The following ING5 variants were observed in gnomAD, a reference collection of about 807,000 sequenced individuals.
ING5 encodes the protein inhibitor of growth protein 5.
ING5 carries 17 observed loss-of-function variants against 37.4 expected under a neutral mutation model. The observed-to-expected ratio is 0.45, with a 90% CI of 0.31 to 0.68. The LOEUF is 0.68. Ranked by LOEUF, ING5 falls within the 30% of genes least tolerant of loss-of-function variation. The pLI is 0.05. For synonymous variants in ING5, 123 were observed against 116.6 expected (o/e 1.06, Z -0.36); for missense variants, 233 against 311.9 (o/e 0.75, Z 1.91).
chr2:241,698,301 C>T (rs925499684), upstream of ING5, among the ~76,000 whole-genome samples: 4 of 151,674 alleles, frequency 2.6e-5, no homozygotes, highest in East Asian at 1.9e-4. Context: ...AAAAATTAGC[C>T]GGGCATGGTG....
In ING5 at chr2:241,727,267, T is replaced by G. The variant is rs1691658330; in HGVS notation, c.*2236T>G. The G allele has an allele frequency of 6.6e-6, 1 of 152,154 alleles. No homozygotes were observed. Among genetic ancestry groups the G allele is most frequent in the Non-Finnish European group, 1.5e-5 (1 of 68,058 alleles). 9.4% of individuals were successfully genotyped at this position (152,154 alleles called of 1,614,324 possible). A position where few individuals can be genotyped will look rare whatever the true frequency, so the allele number is the denominator to read the frequency against. ...ATGAATTTTCATTTAATGACTTAAC[T>G]TTTTGTTAGCACAGGTTTTGTGTGT... On this transcript the variant is annotated 3_prime_UTR_variant, in exon 8 of 8. Coordinates refer to ENST00000313552, the MANE Select transcript of ING5 (RefSeq NM_032329.6).
chr2:241,704,812 A>AG (rs547890201), intron 2 of ING5, 88 bp downstream of exon 2: 3 of 1,094,774 alleles, frequency 2.7e-6, no homozygotes, highest in Non-Finnish European at 4.2e-6. Flanking sequence ...GAGGGTTTTG[A>AG]GGGGACCCAG....
upstream of ING5, among the ~76,000 whole-genome samples, chr2:241,698,201 T>C (rs367927967): frequency 1.3e-5 from 2 of 151,892 alleles, no homozygotes; most frequent in African/African-American, 4.8e-5. Flanking sequence ...TCCCAGCACT[T>C]TGGGAGGCCA....
chr2:241,705,649 G>A (rs1411603685), intron 2 of ING5, among the ~76,000 whole-genome samples: 1 of 151,904 alleles, frequency 6.6e-6, no homozygotes, highest in Non-Finnish European at 1.5e-5. Context: ...CTCATGATCC[G>A]CCTGCCTAGG....
chr2:241,702,056 G>A lies in ING5; in HGVS notation c.-10G>A. On this transcript the variant is annotated 5_prime_UTR_variant, in exon 1 of 8. Coordinates refer to ENST00000313552, the MANE Select transcript of ING5 (RefSeq NM_032329.6). ...GCCCGCGCAGACCCCGAGCGCGGCC[G>A]CGGACGAAGATGGCGACCGCCATGT... is the stretch of plus-strand genomic sequence containing the variant. 4 of 1,386,606 alleles carry A rather than the reference G, an allele frequency of 2.9e-6. No homozygotes were observed. The highest frequency in any genetic ancestry group is 2.8e-6 in the Non-Finnish European group (3 of 1,065,478). 85.9% of individuals were successfully genotyped at this position (1,386,606 alleles called of 1,614,324 possible).
intron 5 of ING5, among the ~76,000 whole-genome samples, chr2:241,712,863 C>T (rs1443764385): frequency 3.3e-5 from 5 of 151,950 alleles, no homozygotes; most frequent in Admixed American, 1.3e-4. Context: ...CCCATCTCTA[C>T]AAAAAATAGA....
chr2:241,698,007 C>T (rs949848086), upstream of ING5, among the ~76,000 whole-genome samples: 7 of 147,216 alleles, frequency 4.8e-5, no homozygotes, highest in African/African-American at 1.8e-4. Context: ...GGCTGGAACC[C>T]AGAAGGCGGA....
intron 2 of ING5, among the ~76,000 whole-genome samples, chr2:241,694,804 G>C (rs1273976705): frequency 7.0e-6 from 1 of 143,340 alleles, no homozygotes; most frequent in African/African-American, 2.6e-5. Flanking sequence ...GGATGATGAG[G>C]TCAGGAGTTC....
At chr2:241,723,315 GT>G (rs753365039) in intron 7 of ING5, 44 bp downstream of exon 7, 13 of 1,593,338 alleles carry the variant, frequency 8.2e-6, no homozygotes, top group African/African-American at 2.7e-5. Context: ...AGTCTGCTGG[GT>G]GTTGCGCTGC....
chr2:241,721,602 C>A (rs529120791), intron 5 of ING5: 2 of 985,268 alleles, frequency 2.0e-6, no homozygotes, highest in Admixed American at 6.2e-5. Flanking sequence ...CTTGGCTTTC[C>A]CTGATCGTGA....
At position 241,728,519 on chromosome 2, in the gene ING5, G is replaced by A. The variant is rs143509165; in HGVS notation, c.*3488G>A. ...TTTCAGTGCTGCGGTATCAGTCAGT[G>A]ATCTGAGGAAATCCTGTAGGGGAAG... On this transcript the variant is annotated 3_prime_UTR_variant, in exon 8 of 8. Transcript: ENST00000313552. 165 of 152,858 alleles carry A rather than the reference G, an allele frequency of 1.1e-3. 1 individual carries two copies. The highest frequency in any genetic ancestry group is 3.7e-3 in the African/African-American group (154 of 41,590). The allele number at this position is 152,858 out of a possible 1,614,324, so 9.5% of individuals were successfully genotyped here.
intron 2 of ING5, among the ~76,000 whole-genome samples, chr2:241,695,111 G>A (rs1208034405): frequency 1.3e-5 from 2 of 150,994 alleles, no homozygotes; most frequent in Admixed American, 6.6e-5. Flanking sequence ...AACCTGGGTC[G>A]GCCCCAGTGA....
intron 5 of ING5, among the ~76,000 whole-genome samples, chr2:241,718,011 C>T (rs2070320536): frequency 6.6e-6 from 1 of 152,098 alleles, no homozygotes; most frequent in Non-Finnish European, 1.5e-5. Context: ...TGATTTGTTT[C>T]TATTACTTTA....
At chr2:241,700,550 A>G (rs191867831), upstream of ING5, among the ~76,000 whole-genome samples, 200 of 151,584 alleles carry the variant, frequency 1.3e-3, no homozygotes, top group Non-Finnish European at 2.4e-3. Flanking sequence ...CCGCCTCCCA[A>G]GCTCAAGCGA....
At position 241,727,966 on chromosome 2, in the gene ING5, C is replaced by T. The variant is rs1290986975; in HGVS notation, c.*2935C>T. On this transcript the variant is annotated 3_prime_UTR_variant, in exon 8 of 8. Coordinates refer to ENST00000313552, the MANE Select transcript of ING5 (RefSeq NM_032329.6). ...CCCAGGTATTGAATTTTGACCTTTT[C>T]TTTTCAAGTTTCTGTGCTTAGTGTT... The T allele has an allele frequency of 6.6e-6, 1 of 152,202 alleles. No homozygotes were observed. Among genetic ancestry groups the T allele is most frequent in the Middle Eastern group, 3.2e-3 (1 of 316 alleles). 9.4% of individuals were successfully genotyped at this position (152,202 alleles called of 1,614,324 possible).
chr2:241,701,757 G>A (rs2069731227), upstream of ING5, among the ~76,000 whole-genome samples: 1 of 152,130 alleles, frequency 6.6e-6, no homozygotes, highest in Non-Finnish European at 1.5e-5. Flanking sequence ...CAGGTGCGGA[G>A]GGGAGACGCC....
Position 241,711,465 on chromosome 2 carries a change from G to T in ING5, c.365G>T (p.Ser122Ile), listed in dbSNP as rs1234961321. ...KDKMEGSDFE[S>I]SGGRGLKKGR... The stretch of plus-strand genomic sequence containing the variant: ...AAGATGGAGGGCAGTGATTTTGAAA[G>T]CTCCGGAGGGCGAGGGTTAAAAAGC... The change falls in exon 4 of 8, where the codon AGC becomes ATC. Residue 122 changes from serine to isoleucine, a missense_variant. This residue lies in a region of ING5 where 76 missense variants were observed against 68.2 expected (regional missense o/e 1.11). Coordinates refer to ENST00000313552, the MANE Select transcript of ING5 (RefSeq NM_032329.6). 4 of 1,605,632 alleles carry T rather than the reference G, an allele frequency of 2.5e-6. No homozygotes were observed. The highest frequency in any genetic ancestry group is 3.4e-6 in the Non-Finnish European group (4 of 1,176,856).
At chr2:241,702,281 C>T (rs1421132515) in intron 1 of ING5, among the ~76,000 whole-genome samples, 179 bp downstream of exon 1, 3 of 145,244 alleles carry the variant, frequency 2.1e-5, no homozygotes, top group African/African-American at 7.5e-5. Context: ...GGGGAGGGCG[C>T]GGGGGGCGGG....
chr2:241,722,318 G>A (rs2070453397), intron 5 of ING5: 5 of 985,278 alleles, frequency 5.1e-6, no homozygotes, highest in Non-Finnish European at 6.0e-6. Flanking sequence ...GAAGTGGGTT[G>A]AGTCCAGAGG....
Sources: allele counts gnomAD v4.1 joint callset (sites outside exome capture counted in the v4.1 genomes callset), GRCh38; gene constraint gnomAD v4.1.1; regional missense constraint gnomAD v4.1.1; transcripts MANE v1.5; gene names NCBI Gene and HGNC (gene_info 2026-07-23, HGNC 2026-07-21).